MAP3K5: variants seen among roughly 807,000 people sequenced by gnomAD.
MAP3K5 encodes mitogen-activated protein kinase kinase kinase 5.
MAP3K5 carries 56 observed loss-of-function variants against 158.7 expected under a neutral mutation model. That is an observed-to-expected ratio of 0.35 (90% confidence interval 0.28 to 0.44). The LOEUF is 0.44. Among genes scored for constraint, MAP3K5 ranks in the 20% least tolerant of loss-of-function variants. The probability of loss-of-function intolerance (pLI) is 1.00; values close to 1 mark genes in which losing one functional copy is unlikely to be tolerated. For missense variants in MAP3K5, 1,294 were observed against 1,674.8 expected (o/e 0.77, Z 3.97); for synonymous variants, 579 against 601.7 (o/e 0.96, Z 0.55).
At chr6:136,572,669 A>G (rs1299073075) in intron 25 of MAP3K5, among the ~76,000 whole-genome samples, 1 of 152,234 alleles carries the variant, frequency 6.6e-6, no homozygotes, top group East Asian at 1.9e-4. Context: ...TTAAATTATC[A>G]TTTTACGTAT....
chr6:136,636,866 GAAC>G (rs1264202855), intron 14 of MAP3K5: 3 of 988,464 alleles, frequency 3.0e-6, no homozygotes, highest in Admixed American at 6.0e-5. Context: ...CAGTTGAGAG[GAAC>G]AACATTTGAA....
intron 28 of MAP3K5, among the ~76,000 whole-genome samples, chr6:136,560,950 T>A (rs989166223): frequency 1.4e-5 from 2 of 144,684 alleles, no homozygotes; most frequent in African/African-American, 2.6e-5. Context: ...TCCAAAAAAA[T>A]ATAAAATAAA....
chr6:136,688,925 G>A (rs1028594774), intron 7 of MAP3K5, among the ~76,000 whole-genome samples: 1 of 151,456 alleles, frequency 6.6e-6, no homozygotes, highest in African/African-American at 2.4e-5. Flanking sequence ...CCACAACTAA[G>A]AATTTTCATA....
intron 12 of MAP3K5, among the ~76,000 whole-genome samples, 169 bp from the exon 13 acceptor site, chr6:136,639,807 A>C (rs1777834554): frequency 6.6e-6 from 1 of 152,174 alleles, no homozygotes; most frequent in African/African-American, 2.4e-5. Context: ...CACACTACTA[A>C]AATGATTTAC....
chr6:136,618,116 AAAT>A (rs1221947272), intron 15 of MAP3K5, among the ~76,000 whole-genome samples: 1 of 152,118 alleles, frequency 6.6e-6, no homozygotes, highest in Non-Finnish European at 1.5e-5. Context: ...AACAGAGGAG[AAAT>A]TGTTTCCATT....
upstream of MAP3K5, chr6:136,792,567 C>G (rs767177529): frequency 9.1e-5 from 16 of 175,340 alleles, no homozygotes; most frequent in Non-Finnish European, 1.7e-4. The surrounding 1 kb of genome is among the most constrained non-coding windows in gnomAD (Gnocchi z 5.7). Context: ...CGCCGCGCCG[C>G]GCAGCTCCTT....
At chr6:136,788,196 C>T (rs529904212) in intron 1 of MAP3K5, among the ~76,000 whole-genome samples, 3 of 152,272 alleles carry the variant, frequency 2.0e-5, no homozygotes, top group African/African-American at 7.2e-5. Context: ...GGAGAAAGGA[C>T]TCCCTATTCA....
chr6:136,714,779 G>A (rs184184190), intron 2 of MAP3K5, among the ~76,000 whole-genome samples: 23 of 152,182 alleles, frequency 1.5e-4, no homozygotes, highest in African/African-American at 3.4e-4. Flanking sequence ...GGGAGCTGCC[G>A]TATTATTAAA....
chr6:136,629,021 G>C (rs746120625), intron 14 of MAP3K5, among the ~76,000 whole-genome samples: 13 of 152,358 alleles, frequency 8.5e-5, no homozygotes, highest in Non-Finnish European at 1.5e-4. Context: ...ATGGTAATAG[G>C]TTAGCAAATC....
In MAP3K5 at chr6:136,561,591, T is replaced by A; in HGVS notation, c.3929A>T (p.Asp1310Val). 1.9e-6 allele frequency: 3 copies of A among 1,614,082 alleles called. No individual in the cohort carries two copies. The highest frequency in any genetic ancestry group is 2.2e-5 in the South Asian group (2 of 91,086). Residue 1310 changes from aspartate (D) to valine (V), a missense_variant, in exon 28 of 30, where the codon GAT becomes GTT. Physicochemically the swap from Asp to Val is radical, Grantham distance 152. This residue lies in a region of MAP3K5 where 199 missense variants were observed against 220.3 expected (regional missense o/e 0.90). Transcript: ENST00000359015. Reference protein sequence around the residue: ...HLNSSGTNTEDSELTDWLRVN... With the variant: ...HLNSSGTNTEVSELTDWLRVN... Reference sequence around the variant, plus strand: ...TCTCAGCCAGTCGGTAAGTTCAGAATCTTCAGTATTTGTGCCAGAAGAATT... The same window carrying A: ...TCTCAGCCAGTCGGTAAGTTCAGAAACTTCAGTATTTGTGCCAGAAGAATT...
chr6:136,722,437 A>G (rs1359984784), intron 1 of MAP3K5, among the ~76,000 whole-genome samples: 1 of 152,212 alleles, frequency 6.6e-6, no homozygotes, highest in Admixed American at 6.5e-5. Flanking sequence ...TAAAAACATT[A>G]CATTAGACAA....
chr6:136,687,772 C>A (rs1283128813), intron 7 of MAP3K5, among the ~76,000 whole-genome samples: 1 of 152,140 alleles, frequency 6.6e-6, no homozygotes, highest in African/African-American at 2.4e-5. Flanking sequence ...CAAGAAACAA[C>A]AGATGCTGGA....
chr6:136,730,153 G>GTTTTTTTTTTTTTTGTTTTT (rs60058823), intron 1 of MAP3K5, among the ~76,000 whole-genome samples: 2 of 133,394 alleles, frequency 1.5e-5, no homozygotes, highest in Admixed American at 7.1e-5. Context: ...TTGTTTGGTT[G>GTTTTTTTTTTTTTTGTTTTT]TTTTTTTTTT....
intron 15 of MAP3K5, among the ~76,000 whole-genome samples, chr6:136,615,113 T>C (rs1277956708): frequency 6.6e-6 from 1 of 152,216 alleles, no homozygotes; most frequent in Non-Finnish European, 1.5e-5. Flanking sequence ...CCACCCTGAA[T>C]TTAATGTAGC....
intron 14 of MAP3K5, among the ~76,000 whole-genome samples, chr6:136,625,393 G>A (rs1223533062): frequency 6.6e-6 from 1 of 152,224 alleles, no homozygotes; most frequent in African/African-American, 2.4e-5. Flanking sequence ...GGGATAGGAA[G>A]TATGGCCTAG....
chr6:136,663,500 G>C (rs55845106), intron 8 of MAP3K5, among the ~76,000 whole-genome samples: 3,697 of 150,396 alleles, frequency 0.025, 152 homozygotes, highest in African/African-American at 0.085. Context: ...TCCTGATTCA[G>C]ATTCTTGGAT....
chr6:136,706,946 G>A (rs1427817735), intron 2 of MAP3K5, among the ~76,000 whole-genome samples: 1 of 152,206 alleles, frequency 6.6e-6, no homozygotes, highest in African/African-American at 2.4e-5. Flanking sequence ...CTAGGAGTTT[G>A]AGGCCAGCCT....
intron 5 of MAP3K5, among the ~76,000 whole-genome samples, chr6:136,696,914 C>T (rs79844840): frequency 0.011 from 1,638 of 152,284 alleles, 24 homozygotes; most frequent in African/African-American, 0.036. Context: ...GACAGGTGTG[C>T]CTGAGGCTAA....
chr6:136,705,821 C>T (rs1427520567), intron 2 of MAP3K5, among the ~76,000 whole-genome samples: 6 of 152,142 alleles, frequency 3.9e-5, no homozygotes, highest in Admixed American at 6.6e-5. Flanking sequence ...ATGTCTCTCA[C>T]ACTCTGGGAG....
Sources: gnomAD v4.1 joint callset for allele counts (sites outside exome capture counted in the v4.1 genomes callset) on GRCh38, gnomAD v4.1.1 for gene constraint, gnomAD v4.1.1 regional missense constraint, Gnocchi (gnomAD v3.1) non-coding constraint, MANE v1.5 for transcripts, NCBI Gene and HGNC (gene_info 2026-07-23, HGNC 2026-07-21) for gene names.